CDH16: variants seen among roughly 807,000 people sequenced by gnomAD.
CDH16 encodes cadherin 16.
CDH16 carries 79 observed loss-of-function variants against 87.6 expected under a neutral mutation model. That is an observed-to-expected ratio of 0.90 (90% CI 0.75 to 1.09). The LOEUF (loss-of-function observed/expected upper bound fraction) is 1.09, where lower values mean the gene tolerates loss of function less well. Ranked by LOEUF, CDH16 falls within the 50% of genes least tolerant of loss-of-function variation. CDH16 has a pLI of 0.00. For synonymous variants in CDH16, 457 were observed against 439.5 expected (o/e 1.04, Z -0.50); for missense variants, 1,124 against 1,071.7 (o/e 1.05, Z -0.68).
rs762014677 is a variant in CDH16 at position 66,916,039 on chromosome 16, G to A, written c.424+26C>T. ...CCATCAAGGCCCACCTGACCTTACT[G>A]TAAATTGGCTGCCCTGGTCACTCAC... On this transcript the variant is annotated intron_variant, in intron 5 of 17. Transcript: ENST00000299752. This position sits in a 1 kb window ranked among gnomAD's most constrained non-coding sequence, Gnocchi z 4.1. The A allele has an allele frequency of 1.8e-5, 29 of 1,613,656 alleles. No individual in the cohort carries two copies. The highest frequency in any genetic ancestry group is 2.5e-5 in the Non-Finnish European group (29 of 1,179,992).
intron 14 of CDH16, 133 bp from the exon 15 acceptor site, chr16:66,910,635 T>C: frequency 1.0e-6 from 1 of 968,646 alleles, no homozygotes; most frequent in Non-Finnish European, 1.4e-6. Flanking sequence ...CATGCTTCTC[T>C]CCACCTGTCA....
intron 6 of CDH16, 74 bp from the exon 7 acceptor site, chr16:66,914,486 C>G: frequency 1.8e-6 from 2 of 1,139,780 alleles, no homozygotes; most frequent in Non-Finnish European, 2.6e-6. Context: ...CAGCAAGATA[C>G]CAGACACAAA....
intron 7 of CDH16, 81 bp from the exon 8 acceptor site, chr16:66,913,694 C>T: frequency 6.5e-7 from 1 of 1,549,940 alleles, no homozygotes; most frequent in Non-Finnish European, 8.7e-7. Flanking sequence ...GTTGAGGAGC[C>T]TGAGCCCAAC....
intron 9 of CDH16, 41 bp from the exon 10 acceptor site, chr16:66,912,932 C>T (rs200028144): frequency 7.1e-6 from 11 of 1,556,922 alleles, no homozygotes; most frequent in Non-Finnish European, 8.8e-7. Flanking sequence ...CACAGCCCAG[C>T]CTGGAGACCT....
chr16:66,914,806 G>A lies in CDH16; in HGVS notation c.584-394C>T, dbSNP rs542379889. ...GTTGGATGGACTGTGTAGGTTGTTG[G>A]GCGGTAGACGGGTGAATGCGTGGCT... On this transcript the variant is annotated intron_variant, in intron 6 of 17. Coordinates refer to ENST00000299752, the MANE Select transcript of CDH16 (RefSeq NM_004062.4). 2.9e-4 allele frequency among the ~76,000 whole-genome samples: 44 copies of A among 152,138 alleles called. No individual in the cohort carries two copies. In the South Asian group the frequency reaches 5.0e-3, roughly 17 times the overall value.
chr16:66,915,070 GC>G, intron 6 of CDH16, 149 bp downstream of exon 6: 1 of 720,048 alleles, frequency 1.4e-6, no homozygotes, highest in Non-Finnish European at 2.3e-6. Flanking sequence ...TGCCTCCACA[GC>G]CCCCTGCCTT....
chr16:66,912,925 A>G (rs751466019), intron 9 of CDH16, 34 bp from the exon 10 acceptor site: 14 of 1,583,128 alleles, frequency 8.8e-6, no homozygotes, highest in Non-Finnish European at 1.2e-5. Context: ...ATAGGACCAC[A>G]GCCCAGCCTG....
intron 7 of CDH16, among the ~76,000 whole-genome samples, chr16:66,913,991 A>C (rs944252712): frequency 2.0e-5 from 3 of 152,244 alleles, no homozygotes; most frequent in African/African-American, 7.2e-5. Flanking sequence ...TCAAGAGGTC[A>C]GAGCACAGAG....
At chr16:66,913,703 A>G (rs1025010433) in intron 7 of CDH16, 90 bp from the exon 8 acceptor site, 26 of 1,535,408 alleles carry the variant, frequency 1.7e-5, no homozygotes, top group South Asian at 5.0e-5. Context: ...CCTGAGCCCA[A>G]CTGTGTGACC....
intron 14 of CDH16, 195 bp downstream of exon 14, chr16:66,910,987 G>A (rs1962387811): frequency 3.7e-6 from 2 of 547,658 alleles, no homozygotes; most frequent in South Asian, 2.6e-5. Flanking sequence ...GAGAGGGGAG[G>A]CAGATGCCAG....
intron 5 of CDH16, among the ~76,000 whole-genome samples, chr16:66,915,861 G>A (rs80141533): frequency 0.041 from 6,161 of 152,032 alleles, 211 homozygotes; most frequent in East Asian, 0.19. Flanking sequence ...GCGCCATTGC[G>A]CTCCACTCCA....
rs777049139 is a variant in CDH16 at position 66,911,263 on chromosome 16, C to T, written c.1843G>A (p.Gly615Arg). Reference protein sequence around the residue: ...EGWLCIEKFSGEVHTAQSLQG... With the variant: ...EGWLCIEKFSREVHTAQSLQG... Reference sequence around the variant, plus strand: ...AGGGACTGGGCGGTGTGCACCTCCCCGGAGAATTTCTCAATGCAGAGCCAG... The same window carrying T: ...AGGGACTGGGCGGTGTGCACCTCCCTGGAGAATTTCTCAATGCAGAGCCAG... The change falls in exon 14 of 18, where the codon GGG becomes AGG. Residue 615 changes from glycine to arginine, a missense_variant. Coordinates refer to ENST00000299752, the MANE Select transcript of CDH16 (RefSeq NM_004062.4). 14 of 1,613,402 alleles carry T rather than the reference C, an allele frequency of 8.7e-6. No homozygotes were observed. Among genetic ancestry groups the T allele is most frequent in the South Asian group, 2.2e-5 (2 of 90,960 alleles).
Position 66,914,369 on chromosome 16 carries a change from CA to C in CDH16, c.626del (p.Leu209ArgfsTer26), listed in dbSNP as rs762742566. ...LDHALERTYQ[L>X]LVQVKDMGDQ... Reference sequence around the variant, plus strand: ...CACCCATGTCCTTGACCTGTACCAACAGCTGGTAGGTCCTCTCCAGGGCGTG... The same window carrying C: ...CACCCATGTCCTTGACCTGTACCAACGCTGGTAGGTCCTCTCCAGGGCGTG... On this transcript the variant is annotated frameshift_variant, in exon 7 of 18. Coordinates refer to ENST00000299752, the MANE Select transcript of CDH16 (RefSeq NM_004062.4). LOFTEE classifies it high-confidence loss of function. The C allele has an allele frequency of 6.2e-7, 1 of 1,614,196 alleles. No homozygotes were observed. The highest frequency in any genetic ancestry group is 1.7e-5 in the Admixed American group (1 of 60,024).
chr16:66,916,361 C>T lies in CDH16; in HGVS notation c.198G>A (p.Glu66=), dbSNP rs748474441. The T allele has an allele frequency of 6.2e-7, 1 of 1,614,070 alleles. No homozygotes were observed. The highest frequency in any genetic ancestry group is 1.1e-5 in the South Asian group (1 of 91,046). Residue 66 remains glutamate, a synonymous_variant, in exon 4 of 18, where the codon GAG becomes GAA. Coordinates refer to ENST00000299752, the MANE Select transcript of CDH16 (RefSeq NM_004062.4). This position sits in a 1 kb window ranked among gnomAD's most constrained non-coding sequence, Gnocchi z 4.1. ...AATCTGGATCCATAGCAAATGGGCC[C>T]TCAGTTGCCTTGCCTGAGTCCCCTG... is the stretch of plus-strand genomic sequence containing the variant. ...VLSGDSGKAT[E]GPFAMDPDSG... is the part of the protein sequence containing the mutation.
chr16:66,914,178 C>T, intron 7 of CDH16, 38 bp downstream of exon 7: 1 of 1,568,752 alleles, frequency 6.4e-7, no homozygotes, highest in Admixed American at 1.7e-5. Context: ...CTGCACCATC[C>T]ATGGGGCTGC....
At position 66,908,335 on chromosome 16, in the gene CDH16, C is replaced by T; in HGVS notation, c.*57G>A. ...TGGATCTTGGGTGCTGGGCTCTCTC[C>T]CAGGGGACTCAGATGGAGCCAGAGG... On this transcript the variant is annotated 3_prime_UTR_variant, in exon 18 of 18. Transcript: ENST00000299752. 1 of 1,415,242 alleles carries T rather than the reference C, an allele frequency of 7.1e-7. No homozygotes were observed. Among genetic ancestry groups the T allele is most frequent in the South Asian group, 1.1e-5 (1 of 87,292 alleles). The allele number at this position is 1,415,242 out of a possible 1,614,324, so 87.7% of individuals were successfully genotyped here. A position where few individuals can be genotyped will look rare whatever the true frequency, so the allele number is the denominator to read the frequency against.
Position 66,912,669 on chromosome 16 carries a change from T to C in CDH16, c.1277A>G (p.Glu426Gly). ...TCACCAATCAGGGCACTTACCACCC[T>C]CTGCGCCTGCCAGGTCCATGGCCAG... ...LVLAMDLAGA[E>G]GGFSSTCEVE... is the part of the protein sequence containing the mutation. The change falls in exon 10 of 18, where the codon GAG becomes GGG. Residue 426 changes from glutamate (E) to glycine (G), a missense_variant. Physicochemically the swap from Glu to Gly is moderately conservative, Grantham distance 98. Coordinates refer to ENST00000299752, the MANE Select transcript of CDH16 (RefSeq NM_004062.4). 6.2e-7 allele frequency: 1 copy of C among 1,613,996 alleles called. No homozygotes were observed. The highest frequency in any genetic ancestry group is 8.5e-7 in the Non-Finnish European group (1 of 1,179,990).
intron 1 of CDH16, 121 bp downstream of exon 1, chr16:66,918,683 C>G (rs1962799095): frequency 6.6e-6 from 1 of 152,306 alleles, no homozygotes. Context: ...AATCGACAAC[C>G]CCTCTAAGAT....
chr16:66,914,762 T>A (rs1962604361), intron 6 of CDH16, among the ~76,000 whole-genome samples: 1 of 152,092 alleles, frequency 6.6e-6, no homozygotes, highest in South Asian at 2.1e-4. Flanking sequence ...TAGGAGAGTG[T>A]TTGGATGAGT....
Sources: gnomAD v4.1 joint callset for allele counts (sites outside exome capture counted in the v4.1 genomes callset) on GRCh38, gnomAD v4.1.1 for gene constraint, Gnocchi (gnomAD v3.1) non-coding constraint, MANE v1.5 for transcripts, NCBI Gene and HGNC (gene_info 2026-07-23, HGNC 2026-07-21) for gene names.